The following TRAPPC9 variants were observed in gnomAD, a reference collection of about 807,000 sequenced individuals.
TRAPPC9 encodes IKK2 binding protein.
In TRAPPC9, 83 loss-of-function variants were observed where a neutral mutation model predicts 124.0. The observed-to-expected ratio is 0.67, with a 90% CI of 0.56 to 0.80. TRAPPC9 has a LOEUF of 0.80. Among genes scored for constraint, TRAPPC9 ranks in the 30% least tolerant of loss-of-function variants. The pLI is 0.00. For synonymous variants in TRAPPC9, 638 were observed against 617.5 expected (o/e 1.03, Z -0.49); for missense variants, 1,302 against 1,508.3 (o/e 0.86, Z 2.27).
intron 17 of TRAPPC9, among the ~76,000 whole-genome samples, chr8:140,102,496 C>A (rs1364729694): frequency 6.6e-6 from 1 of 152,076 alleles, no homozygotes; most frequent in Non-Finnish European, 1.5e-5. Flanking sequence ...CACACACACG[C>A]ATGCACGCAC....
At chr8:140,166,518 C>G (rs117743076) in intron 17 of TRAPPC9, among the ~76,000 whole-genome samples, 2 of 152,096 alleles carry the variant, frequency 1.3e-5, no homozygotes, top group Non-Finnish European at 2.9e-5. Context: ...GCAAGCAGTC[C>G]GACAGAATAT....
At chr8:139,903,067 C>G (rs1831120893) in intron 20 of TRAPPC9, among the ~76,000 whole-genome samples, 1 of 152,174 alleles carries the variant, frequency 6.6e-6, no homozygotes, top group Non-Finnish European at 1.5e-5. Context: ...CAGCCTGAGA[C>G]CCAAGCTGTG....
intron 21 of TRAPPC9, among the ~76,000 whole-genome samples, chr8:139,769,312 A>G (rs1820796366): frequency 1.3e-5 from 2 of 152,216 alleles, no homozygotes; most frequent in South Asian, 2.1e-4. Context: ...CAAAAGAACA[A>G]TTGAGTAAAA....
At position 139,776,630 on chromosome 8, in the gene TRAPPC9, G is replaced by A. The variant is rs778969279; in HGVS notation, c.3056-44428C>T. Among the ~76,000 whole-genome samples, 8 of 152,050 alleles carry A rather than the reference G, an allele frequency of 5.3e-5. No individual in the cohort carries two copies. Among genetic ancestry groups the A allele is most frequent in the Non-Finnish European group, 1.0e-4 (7 of 68,012 alleles). On this transcript the variant is annotated intron_variant, in intron 21 of 22. Transcript: ENST00000438773. The surrounding 1 kb of genome is among the most constrained non-coding windows in gnomAD (Gnocchi z 4.1). ...ATGGCTCGGAGCCTCTGGAGCTTTG[G>A]TCCCGTCATCTGCCTGTGTGCACGT...
chr8:140,110,136 G>GGCTCT lies in TRAPPC9; in HGVS notation c.2557-86062_2557-86058dup, dbSNP rs145764908. 1.7e-4 allele frequency among the ~76,000 whole-genome samples: 26 copies of GGCTCT among 150,430 alleles called. No homozygotes were observed. The East Asian group carries it at 2.5e-3, about 15-fold the overall frequency. On this transcript the variant is annotated intron_variant, in intron 17 of 22. Coordinates refer to ENST00000438773, the MANE Select transcript of TRAPPC9 (RefSeq NM_001160372.4). ...TTGCTCCCCTGACCCTAGACTGCCA[G>GGCTCT]GCTCTGCTCTGCTCTGCTCTGCTCT...
At chr8:140,284,100 T>C in intron 13 of TRAPPC9, 79 bp from the exon 14 acceptor site, 1 of 1,584,908 alleles carries the variant, frequency 6.3e-7, no homozygotes. Context: ...GTGCGAAGAG[T>C]ACGGGGCTCC....
At chr8:140,321,436 G>T (rs887759292) in intron 9 of TRAPPC9, among the ~76,000 whole-genome samples, 1 of 152,240 alleles carries the variant, frequency 6.6e-6, no homozygotes, top group African/African-American at 2.4e-5. Flanking sequence ...GCACCAGATG[G>T]CCTTTGCGCA....
At chr8:140,275,091 T>C (rs1320694556) in intron 15 of TRAPPC9, among the ~76,000 whole-genome samples, 2 of 152,212 alleles carry the variant, frequency 1.3e-5, no homozygotes, top group African/African-American at 4.8e-5. Flanking sequence ...CCAGGTGTCC[T>C]GCCAAACACG....
intron 19 of TRAPPC9, among the ~76,000 whole-genome samples, chr8:139,916,157 A>G (rs77894356): frequency 0.019 from 2,941 of 152,270 alleles, 81 homozygotes; most frequent in Middle Eastern, 0.088. Flanking sequence ...TAAACCCCTC[A>G]AGACACTGTC....
chr8:139,997,491 CACACAGGGGAGACAATGCATTCT>C (rs1563676527), intron 18 of TRAPPC9, among the ~76,000 whole-genome samples: 1 of 77,312 alleles, frequency 1.3e-5, no homozygotes, highest in African/African-American at 3.1e-5. Context: ...CAATGCATTC[CACACAGGGGAGACAATGCATTCT>C]ACACAGGGGA....
intron 11 of TRAPPC9, among the ~76,000 whole-genome samples, chr8:140,291,574 A>G (rs1431200947): frequency 1.3e-5 from 2 of 152,232 alleles, no homozygotes; most frequent in Non-Finnish European, 2.9e-5. Flanking sequence ...CAAAACCCCC[A>G]GCCTTGGTGT....
intron 17 of TRAPPC9, among the ~76,000 whole-genome samples, chr8:140,185,538 T>C (rs1251192033): frequency 6.6e-6 from 1 of 152,206 alleles, no homozygotes; most frequent in Non-Finnish European, 1.5e-5. Context: ...GGGTGTGGTC[T>C]GATCCTGCGA....
At chr8:140,433,458 C>T (rs1412333417) in intron 4 of TRAPPC9, among the ~76,000 whole-genome samples, 2 of 151,984 alleles carry the variant, frequency 1.3e-5, no homozygotes, top group Admixed American at 6.6e-5. Context: ...GGTGTGGTGA[C>T]GGGCACCTGT....
At chr8:140,190,746 A>C (rs1587889050) in intron 17 of TRAPPC9, among the ~76,000 whole-genome samples, 1 of 152,336 alleles carries the variant, frequency 6.6e-6, no homozygotes, top group East Asian at 1.9e-4. Flanking sequence ...GAAAGTTGCT[A>C]TTTGAGAAGT....
intron 21 of TRAPPC9, among the ~76,000 whole-genome samples, chr8:139,843,683 T>C (rs1307725381): frequency 6.6e-6 from 1 of 152,138 alleles, no homozygotes; most frequent in Non-Finnish European, 1.5e-5. Flanking sequence ...CTGCTGGCTT[T>C]GGTGGAAGGG....
At chr8:140,281,776 T>G (rs1456050368) in intron 14 of TRAPPC9, among the ~76,000 whole-genome samples, 1 of 152,224 alleles carries the variant, frequency 6.6e-6, no homozygotes, top group Non-Finnish European at 1.5e-5. Flanking sequence ...GTTGTCTGTG[T>G]TTCATTTTAT....
At chr8:139,753,932 T>G (rs10112809) in intron 21 of TRAPPC9, among the ~76,000 whole-genome samples, 2 of 152,152 alleles carry the variant, frequency 1.3e-5, no homozygotes, top group Non-Finnish European at 2.9e-5. Flanking sequence ...ACCCCCATCA[T>G]GGTTGTTTGT....
At chr8:140,059,707 T>G (rs1293485427) in intron 17 of TRAPPC9, among the ~76,000 whole-genome samples, 1 of 152,208 alleles carries the variant, frequency 6.6e-6, no homozygotes, top group Non-Finnish European at 1.5e-5. Flanking sequence ...TCATTGGCCA[T>G]CTATTTACTT....
At chr8:139,797,643 G>A (rs186862799) in intron 21 of TRAPPC9, among the ~76,000 whole-genome samples, 4 of 152,294 alleles carry the variant, frequency 2.6e-5, no homozygotes, top group Non-Finnish European at 5.9e-5. Flanking sequence ...GAAGAATTCT[G>A]TGTTTTCTCC....
Sources: allele counts gnomAD v4.1 joint callset (sites outside exome capture counted in the v4.1 genomes callset), GRCh38; gene constraint gnomAD v4.1.1; non-coding constraint Gnocchi (gnomAD v3.1); transcripts MANE v1.5; gene names NCBI Gene and HGNC (gene_info 2026-07-23, HGNC 2026-07-21).